STK3: variants seen among roughly 807,000 people sequenced by gnomAD.
STK3 encodes the protein serine/threonine kinase 3, also known as serine/threonine-protein kinase 3.
A neutral mutation model predicts 58.0 loss-of-function variants in STK3; 41 were observed. That is an observed-to-expected ratio of 0.71 (90% CI 0.55 to 0.92). The LOEUF (loss-of-function observed/expected upper bound fraction) is 0.92, where lower values mean the gene tolerates loss of function less well. STK3 is among the 40% of genes least tolerant of loss of function. The probability of loss-of-function intolerance (pLI) is 0.00; values close to 1 mark genes in which losing one functional copy is unlikely to be tolerated. For synonymous variants in STK3, 170 were observed against 191.0 expected (o/e 0.89, Z 0.91); for missense variants, 479 against 602.7 (o/e 0.79, Z 2.15).
chr8:98,533,835 C>T (rs545063226), intron 9 of STK3, among the ~76,000 whole-genome samples: 1 of 152,236 alleles, frequency 6.6e-6, no homozygotes, highest in Non-Finnish European at 1.5e-5. Flanking sequence ...TTTCATTAAA[C>T]CGTAAGTTCC....
intron 4 of STK3, among the ~76,000 whole-genome samples, chr8:98,711,560 G>A (rs1348461640): frequency 6.6e-6 from 1 of 152,194 alleles, no homozygotes; most frequent in Non-Finnish European, 1.5e-5. Context: ...TGAATGAAAT[G>A]AAGTGAGAAG....
intron 6 of STK3, 36 bp downstream of exon 6, chr8:98,706,431 A>G: frequency 6.4e-7 from 1 of 1,563,000 alleles, no homozygotes; most frequent in Non-Finnish European, 8.6e-7. Flanking sequence ...ACACTTATAT[A>G]AGGCTAACAT....
downstream of STK3, among the ~76,000 whole-genome samples, chr8:98,369,796 C>T (rs544698382): frequency 2.0e-5 from 3 of 152,300 alleles, no homozygotes; most frequent in Admixed American, 6.5e-5. Flanking sequence ...ACCACCCATG[C>T]ACCAAGAGGG....
chr8:98,350,980 G>A, the STK3 span, among the ~76,000 whole-genome samples: 1 of 152,276 alleles, frequency 6.6e-6, no homozygotes, highest in East Asian at 1.9e-4. Context: ...AAAAGAGTAC[G>A]TGGCATGAAA....
intron 7 of STK3, among the ~76,000 whole-genome samples, chr8:98,590,406 C>T (rs1041304109): frequency 1.3e-5 from 2 of 152,158 alleles, no homozygotes; most frequent in East Asian, 3.9e-4. Context: ...AGTCTTCAGC[C>T]GCTAAGCCGA....
chr8:98,549,242 C>T (rs1350149551), intron 8 of STK3, among the ~76,000 whole-genome samples: 2 of 152,184 alleles, frequency 1.3e-5, no homozygotes, highest in Non-Finnish European at 2.9e-5. Context: ...AGGATTCCAA[C>T]TTCTCCACAT....
At chr8:98,927,630 T>C (rs879278051) in intron 1 of STK3, among the ~76,000 whole-genome samples, 3 of 152,226 alleles carry the variant, frequency 2.0e-5, no homozygotes, top group Non-Finnish European at 2.9e-5. Context: ...GAAGCAAAGA[T>C]AGAGTAACTT....
chr8:98,408,696 T>C (rs1007456786), intron 3 of STK3, among the ~76,000 whole-genome samples: 1 of 152,360 alleles, frequency 6.6e-6, no homozygotes, highest in Non-Finnish European at 1.5e-5. Context: ...AGAAAAAGAA[T>C]TCAAAGCCAG....
intron 6 of STK3, among the ~76,000 whole-genome samples, chr8:98,697,096 G>T (rs909595347): frequency 6.6e-6 from 1 of 152,190 alleles, no homozygotes; most frequent in African/African-American, 2.4e-5. Flanking sequence ...GAGGGTGTAT[G>T]TGTCGAGGAA....
chr8:98,706,301 G>A (rs1482502276), intron 6 of STK3, among the ~76,000 whole-genome samples, 166 bp downstream of exon 6: 1 of 152,158 alleles, frequency 6.6e-6, no homozygotes, highest in East Asian at 1.9e-4. Flanking sequence ...TAAGAATGCA[G>A]AAGGAAGAGA....
At chr8:98,774,181 A>G (rs891857338) in intron 2 of STK3, among the ~76,000 whole-genome samples, 20 of 151,924 alleles carry the variant, frequency 1.3e-4, no homozygotes, top group Admixed American at 1.2e-3. Flanking sequence ...TCTGTTTTGT[A>G]CCTTTATTAT....
intron 3 of STK3, among the ~76,000 whole-genome samples, chr8:98,395,362 T>G (rs750092787): frequency 2.0e-5 from 3 of 152,168 alleles, no homozygotes; most frequent in African/African-American, 7.2e-5. Context: ...CAGAGGAGCA[T>G]CCAAAAAACT....
At chr8:98,460,326 A>G (rs1275845302) in intron 10 of STK3, among the ~76,000 whole-genome samples, 1 of 152,152 alleles carries the variant, frequency 6.6e-6, no homozygotes, top group Non-Finnish European at 1.5e-5. Flanking sequence ...TTGGAATAAG[A>G]GCATTTATCC....
chr8:98,453,106 G>A (rs576894386), downstream of STK3, among the ~76,000 whole-genome samples: 2 of 48,608 alleles, frequency 4.1e-5, 1 homozygote, highest in African/African-American at 1.9e-4. Context: ...TTTTTTTTTC[G>A]AGACAGAGTC....
chr8:98,487,819 G>A (rs778823516), intron 10 of STK3, among the ~76,000 whole-genome samples: 3 of 152,098 alleles, frequency 2.0e-5, no homozygotes, highest in Admixed American at 6.6e-5. Context: ...AATAAGCTCC[G>A]GAATTAGATG....
intron 1 of STK3, among the ~76,000 whole-genome samples, chr8:98,923,854 T>TGCGCGCGCGCGC (rs3029998): frequency 4.4e-5 from 5 of 113,620 alleles, no homozygotes; most frequent in South Asian, 3.0e-4. Flanking sequence ...TGTGTGTGTG[T>TGCGCGCGCGCGC]GCGCGCGCGC....
rs71572029 is a variant in STK3 at position 98,903,487 on chromosome 8, GTTCTTCTTCTTCTTC to G, written c.-78-19668_-78-19654del. On this transcript the variant is annotated intron_variant, in intron 1 of 1. Transcript: ENST00000519420. ...TTATATTTCCACTTCAATTTAGGAA[GTTCTTCTTCTTCTTC>G]TTCTTCTTCTTCTTCTTCTTCTTCT... Among the ~76,000 whole-genome samples, 82 of 139,642 alleles carry G rather than the reference GTTCTTCTTCTTCTTC, an allele frequency of 5.9e-4. 1 individual carries two copies. The highest frequency in any genetic ancestry group is 7.0e-4 in the Non-Finnish European group (45 of 64,246). The allele number at this position is 139,642 out of a possible 152,430, so 91.6% of individuals were successfully genotyped here. A position where few individuals can be genotyped will look rare whatever the true frequency, so the allele number is the denominator to read the frequency against.
chr8:98,424,093 C>T (rs753070216), intron 3 of STK3, among the ~76,000 whole-genome samples: 2 of 152,254 alleles, frequency 1.3e-5, no homozygotes, highest in Non-Finnish European at 2.9e-5. Context: ...AGGGAGATGG[C>T]TCCATTTCTT....
chr8:98,361,189 C>T, the STK3 span, among the ~76,000 whole-genome samples: 1 of 152,176 alleles, frequency 6.6e-6, no homozygotes, highest in Admixed American at 6.5e-5. Flanking sequence ...TCAGAAGTGG[C>T]CAGCGCCCTT....
Sources: allele counts gnomAD v4.1 joint callset (sites outside exome capture counted in the v4.1 genomes callset), GRCh38; gene constraint gnomAD v4.1.1; transcripts MANE v1.5; gene names NCBI Gene and HGNC (gene_info 2026-07-23, HGNC 2026-07-21).